CASZ1: variants seen among roughly 807,000 people sequenced by gnomAD.
CASZ1 encodes castor zinc finger 1, also known as zinc finger protein castor homolog 1.
Under a neutral mutation model 135.2 loss-of-function variants are expected in CASZ1, and 28 were observed. The observed-to-expected ratio is 0.21, with a 90% CI of 0.15 to 0.28. The LOEUF (loss-of-function observed/expected upper bound fraction) is 0.28. CASZ1 is among the 10% of genes least tolerant of loss of function. The probability of loss-of-function intolerance (pLI) is 1.00; values close to 1 mark genes in which losing one functional copy is unlikely to be tolerated. For synonymous variants in CASZ1, 1,068 were observed against 1,073.4 expected, an observed-to-expected ratio of 0.99 and a Z score of 0.10; for missense variants, 2,161 against 2,453.3, an observed-to-expected ratio of 0.88 and a Z score of 2.52.
In CASZ1 at chr1:10,794,393, C is replaced by T. The variant is rs1167933167; in HGVS notation, c.-234+2171G>A. Among the ~76,000 whole-genome samples the T allele has an allele frequency of 2.0e-5, 3 of 152,104 alleles. No individual in the cohort carries two copies. Among genetic ancestry groups the T allele is most frequent in the Non-Finnish European group, 4.4e-5 (3 of 68,008 alleles). On this transcript the variant is annotated intron_variant, in intron 1 of 20. Transcript: ENST00000377022. The surrounding 1 kb of genome is among the most constrained non-coding windows in gnomAD (Gnocchi z 5.6). ...CTGAGTGTACCGGGTGTCGGCGGGA[C>T]AACTACGCACAATGAGGGCCGCACC...
Position 10,665,356 on chromosome 1 carries a change from G to C in CASZ1, c.232C>G (p.Arg78Gly). Residue 78 changes from arginine to glycine, a missense_variant, in exon 5 of 21, where the codon CGC becomes GGC. Arg to Gly is a moderately radical substitution (Grantham distance 125, BLOSUM62 -2). Around this residue, in one of 7 missense-constraint regions of CASZ1, gnomAD observed 590 missense variants for 609.8 expected, o/e 0.97. Transcript: ENST00000377022. ...GCCCGTCTCTTGTCTTCCTCGCTGC[G>C]GGGGGCCCGGGCTGCCCCAGACTCA... ...GPESGAARAP[R>G]SEEDKRRAVI... The C allele has an allele frequency of 1.9e-6, 3 of 1,610,516 alleles. No homozygotes were observed. Among genetic ancestry groups the C allele is most frequent in the Non-Finnish European group, 2.5e-6 (3 of 1,177,738 alleles).
intron 2 of CASZ1, among the ~76,000 whole-genome samples, chr1:10,713,288 CTGT>C (rs1334998783): frequency 6.6e-6 from 1 of 152,174 alleles, no homozygotes; most frequent in Non-Finnish European, 1.5e-5. Flanking sequence ...GCCAGTGGGG[CTGT>C]TATTTATTTA....
Position 10,639,310 on chromosome 1 carries a change from C to G in CASZ1, c.4912G>C (p.Gly1638Arg). The change falls in exon 21 of 21, where the codon GGC becomes CGC. Residue 1638 changes from glycine to arginine, a missense_variant. By Grantham distance (125) the Gly-to-Arg change is moderately radical (BLOSUM62 -2). Transcript: ENST00000377022. This position sits in a 1 kb window ranked among gnomAD's most constrained non-coding sequence, Gnocchi z 4.0. ...GCGTCGCCCAGCGCCAGGCCCAGGCCGGCGGCCGCCGACTGCAGGAAGAGC... is the reference window on the plus strand; with the variant it reads ...GCGTCGCCCAGCGCCAGGCCCAGGCGGGCGGCCGCCGACTGCAGGAAGAGC... ...SLLFLQSAAA[G>R]LGLALGDAGD... 1 of 1,419,582 alleles carries G rather than the reference C, an allele frequency of 7.0e-7. No homozygotes were observed. Among genetic ancestry groups the G allele is most frequent in the Non-Finnish European group, 9.1e-7 (1 of 1,095,148 alleles). The allele number at this position is 1,419,582 out of a possible 1,614,324, so 87.9% of individuals were successfully genotyped here. A position where few individuals can be genotyped will look rare whatever the true frequency, so the allele number is the denominator to read the frequency against.
At chr1:10,702,691 T>C (rs1570499774) in intron 3 of CASZ1, among the ~76,000 whole-genome samples, 1 of 151,830 alleles carries the variant, frequency 6.6e-6, no homozygotes, top group Non-Finnish European at 1.5e-5. Context: ...TGTGTCTGCC[T>C]CCTCCCAGCC....
At chr1:10,743,815 A>G (rs556717163) in intron 2 of CASZ1, among the ~76,000 whole-genome samples, 1 of 132,468 alleles carries the variant, frequency 7.5e-6, no homozygotes, top group South Asian at 2.7e-4. Flanking sequence ...GTACCCGATG[A>G]GCAGAGAGCA....
chr1:10,695,176 G>C (rs1288459051), intron 3 of CASZ1, among the ~76,000 whole-genome samples: 1 of 151,148 alleles, frequency 6.6e-6, no homozygotes, highest in Admixed American at 6.6e-5. Flanking sequence ...GGAGCGCGGG[G>C]CGAGGCGGGG....
chr1:10,713,796 C>T (rs1336993740), intron 2 of CASZ1, among the ~76,000 whole-genome samples: 1 of 151,898 alleles, frequency 6.6e-6, no homozygotes, highest in African/African-American at 2.4e-5. Context: ...AGCCAGAGAG[C>T]CCTGCCGGGT....
At chr1:10,673,643 C>T (rs759618318) in intron 4 of CASZ1, among the ~76,000 whole-genome samples, 2 of 152,148 alleles carry the variant, frequency 1.3e-5, no homozygotes, top group Admixed American at 6.5e-5. Flanking sequence ...TAGGGAAACG[C>T]GCTGCTTGGA....
intron 2 of CASZ1, among the ~76,000 whole-genome samples, chr1:10,740,137 C>T (rs1242490142): frequency 6.6e-6 from 1 of 152,200 alleles, no homozygotes; most frequent in Non-Finnish European, 1.5e-5. Context: ...CCATAGGATA[C>T]GAGTTACCGA....
At chr1:10,683,198 C>T (rs1439846325) in intron 4 of CASZ1, among the ~76,000 whole-genome samples, 4 of 152,184 alleles carry the variant, frequency 2.6e-5, no homozygotes, top group African/African-American at 9.7e-5. Flanking sequence ...ATTCTCAGCC[C>T]TACTGCCCCA....
chr1:10,737,993 C>A (rs976026822), intron 2 of CASZ1, among the ~76,000 whole-genome samples: 2 of 152,182 alleles, frequency 1.3e-5, no homozygotes, highest in African/African-American at 2.4e-5. Flanking sequence ...ACTCAACACC[C>A]ACAATGTGCC....
chr1:10,669,030 AC>A (rs1023728482), intron 4 of CASZ1, among the ~76,000 whole-genome samples: 2 of 152,226 alleles, frequency 1.3e-5, no homozygotes, highest in African/African-American at 2.4e-5. Flanking sequence ...TCAGGGCGCC[AC>A]GAGCAGCAGG....
intron 2 of CASZ1, among the ~76,000 whole-genome samples, chr1:10,740,978 GA>G (rs1314092128): frequency 5.3e-5 from 5 of 95,236 alleles, no homozygotes; most frequent in Non-Finnish European, 8.5e-5. Context: ...AAAAAAAAAA[GA>G]AAAAAAAGTC....
chr1:10,673,441 G>A (rs760944488), intron 4 of CASZ1, among the ~76,000 whole-genome samples: 14 of 152,002 alleles, frequency 9.2e-5, no homozygotes, highest in Non-Finnish European at 1.8e-4. Flanking sequence ...GGGAGGTTGT[G>A]TGTGTGCACA....
intron 2 of CASZ1, among the ~76,000 whole-genome samples, chr1:10,744,156 C>T (rs1025744372): frequency 6.6e-6 from 1 of 152,072 alleles, no homozygotes; most frequent in Non-Finnish European, 1.5e-5. Context: ...TGCTCCCTCC[C>T]CACCCGTAAA....
At chr1:10,729,670 C>G (rs1639668122) in intron 2 of CASZ1, among the ~76,000 whole-genome samples, 2 of 152,226 alleles carry the variant, frequency 1.3e-5, no homozygotes. Flanking sequence ...CCCTATTCAA[C>G]GTGGGGACAT....
intron 1 of CASZ1, among the ~76,000 whole-genome samples, chr1:10,773,006 C>T (rs956486820): frequency 1.3e-5 from 2 of 152,002 alleles, no homozygotes; most frequent in African/African-American, 4.8e-5. Context: ...CTGGCCCCCA[C>T]TCACTAAGAT....
intron 2 of CASZ1, among the ~76,000 whole-genome samples, chr1:10,748,326 C>T (rs1283441094): frequency 6.6e-6 from 1 of 152,198 alleles, no homozygotes; most frequent in Non-Finnish European, 1.5e-5. Context: ...CCGTGTTCTT[C>T]ACCCATTTCC....
At chr1:10,649,717 A>G (rs758926741) in intron 13 of CASZ1, 16 of 410,264 alleles carry the variant, frequency 3.9e-5, no homozygotes, top group Non-Finnish European at 6.2e-5. Flanking sequence ...GCCGCGACTC[A>G]GGGTGCACGC....
Sources: gnomAD v4.1 joint callset for allele counts (sites outside exome capture counted in the v4.1 genomes callset) on GRCh38, gnomAD v4.1.1 for gene constraint, gnomAD v4.1.1 regional missense constraint, Gnocchi (gnomAD v3.1) non-coding constraint, MANE v1.5 for transcripts, NCBI Gene and HGNC (gene_info 2026-07-23, HGNC 2026-07-21) for gene names.